Variants in ZNF514 observed in about 807,000 individuals in gnomAD.
The protein encoded by ZNF514 is zinc finger protein 514.
ZNF514 carries 12 observed loss-of-function variants against 9.7 expected under a neutral mutation model. The ratio of observed to expected loss-of-function variants is 1.24; its 90% confidence interval spans 0.79 to 2.01. The LOEUF (loss-of-function observed/expected upper bound fraction) is 2.01. Ranked by LOEUF, ZNF514 falls within the 30% of genes most tolerant of loss-of-function variation. The pLI, the probability that ZNF514 is intolerant of heterozygous loss-of-function variation, is 0.00. For synonymous variants in ZNF514, 158 were observed against 163.7 expected (o/e 0.97, Z 0.27); for missense variants, 467 against 465.5 (o/e 1.00, Z -0.03).
At chr2:95,131,929 G>T in the ZNF514 span, among the ~76,000 whole-genome samples, 1 of 151,922 alleles carries the variant, frequency 6.6e-6, no homozygotes, top group Admixed American at 6.6e-5. Context: ...GATCGCTTAC[G>T]GTCAGGAGTT....
chr2:95,149,736 T>G lies in ZNF514; in HGVS notation c.749A>C (p.His250Pro), dbSNP rs1167339863. 2 of 1,614,250 alleles carry G rather than the reference T, an allele frequency of 1.2e-6. No individual in the cohort carries two copies. Among genetic ancestry groups the G allele is most frequent in the Non-Finnish European group, 1.7e-6 (2 of 1,180,038 alleles). ...AFGHISSLIK[H>P]QRTHTGEKPY... ...CTTTTCTCCAGTATGAGTTCTTTGA[T>G]GTTTAATAAGGGATGAAATATGACC... Residue 250 changes from histidine to proline, a missense_variant, in exon 5 of 5, where the codon CAT (histidine) becomes CCT (proline). His to Pro is a moderately conservative substitution (Grantham distance 77). Coordinates refer to ENST00000295208, the MANE Select transcript of ZNF514 (RefSeq NM_032788.3).
At chr2:95,141,694 G>A (rs1448072714), downstream of ZNF514, among the ~76,000 whole-genome samples, 1 of 152,140 alleles carries the variant, frequency 6.6e-6, no homozygotes, top group African/African-American at 2.4e-5. Context: ...CTTATTGTGA[G>A]GGACATTATC....
At chr2:95,137,383 G>C in the ZNF514 span, among the ~76,000 whole-genome samples, 12 of 152,290 alleles carry the variant, frequency 7.9e-5, no homozygotes, top group East Asian at 2.3e-3. Context: ...GTTTTTTCAA[G>C]TGGATATCAG....
At chr2:95,158,471 C>T (rs1238916026) in intron 1 of ZNF514, among the ~76,000 whole-genome samples, 2 of 152,190 alleles carry the variant, frequency 1.3e-5, no homozygotes, top group Non-Finnish European at 2.9e-5. Flanking sequence ...CTGCCCCCAA[C>T]GCTATTGGGG....
the ZNF514 span, among the ~76,000 whole-genome samples, chr2:95,125,069 G>C: frequency 7.4e-5 from 11 of 149,124 alleles, no homozygotes; most frequent in African/African-American, 2.7e-4. Flanking sequence ...TGTAGAGACA[G>C]CATTTCACCA....
chr2:95,151,470 C>T lies in ZNF514; in HGVS notation c.218-1203G>A, dbSNP rs149895554. Among the ~76,000 whole-genome samples, 5 of 152,262 alleles carry T rather than the reference C, an allele frequency of 3.3e-5. 1 individual carries two copies. In the East Asian group the frequency reaches 9.6e-4, roughly 29 times the overall value. On this transcript the variant is annotated intron_variant, in intron 4 of 4. Transcript: ENST00000295208. ...AAATGAAAAGAAAAAAGGTGCCCAG[C>T]CACTCCAGAAAGGTGTGCAGCCCTG...
Position 95,157,435 on chromosome 2 carries a change from G to A in ZNF514, c.-91C>T. 1.6e-6 allele frequency: 2 copies of A among 1,289,378 alleles called. No homozygotes were observed. The highest frequency in any genetic ancestry group is 2.5e-5 in the South Asian group (2 of 81,020). 79.9% of individuals were successfully genotyped at this position (1,289,378 alleles called of 1,614,324 possible). On this transcript the variant is annotated 5_prime_UTR_variant, in exon 2 of 5. Transcript: ENST00000295208. ...GAGGAAGAGCAGGATTCTGAGAAGG[G>A]GAAGCTGGGAAGGTAGAAGGAGACA...
intron 2 of ZNF514, chr2:95,155,455 A>G (rs1200621384): frequency 6.6e-6 from 1 of 152,254 alleles, no homozygotes; most frequent in African/African-American, 2.4e-5. Flanking sequence ...TACCATGGCC[A>G]TCCTGTCCCC....
chr2:95,140,287 A>C (rs1676806587), downstream of ZNF514, among the ~76,000 whole-genome samples: 1 of 152,166 alleles, frequency 6.6e-6, no homozygotes, highest in Non-Finnish European at 1.5e-5. Context: ...TATAATAATA[A>C]TAAAACTCCA....
Position 95,150,129 on chromosome 2 carries a change from C to A in ZNF514, c.356G>T (p.Cys119Phe), listed in dbSNP as rs1403396213. 1.2e-6 allele frequency: 2 copies of A among 1,611,616 alleles called. No individual in the cohort carries two copies. The highest frequency in any genetic ancestry group is 2.2e-5 in the East Asian group (1 of 44,882). Residue 119 changes from cysteine to phenylalanine, a missense_variant, in exon 5 of 5, where the codon TGT becomes TTT. Cys to Phe is a radical substitution (Grantham distance 205). Transcript: ENST00000295208. ...CTGCTGCATCTCTAACTGGCCATCA[C>A]AACCGCAGGCTGCTTTCAACTTCGA... is the stretch of plus-strand genomic sequence containing the variant. ...QFSKLKAACG[C>F]DGQLEMQQIK...
At chr2:95,136,956 T>C in the ZNF514 span, among the ~76,000 whole-genome samples, 1 of 151,776 alleles carries the variant, frequency 6.6e-6, no homozygotes, top group African/African-American at 2.4e-5. Flanking sequence ...TTGGGAGGAG[T>C]ATATGACTTT....
chr2:95,126,648 A>G, the ZNF514 span, among the ~76,000 whole-genome samples: 1 of 152,064 alleles, frequency 6.6e-6, no homozygotes, highest in African/African-American at 2.4e-5. Context: ...TAGAATTGCC[A>G]TCTGTATACC....
chr2:95,146,535 G>A lies in ZNF514; in HGVS notation c.*2747C>T, dbSNP rs1423935724. On this transcript the variant is annotated 3_prime_UTR_variant, in exon 5 of 5. Coordinates refer to ENST00000295208, the MANE Select transcript of ZNF514 (RefSeq NM_032788.3). ...AAGGCATGTCTGAGGGATGACAAGAGAGCATTTGTGTGCAATGGAGGCTTC... is the reference window on the plus strand; with the variant it reads ...AAGGCATGTCTGAGGGATGACAAGAAAGCATTTGTGTGCAATGGAGGCTTC... Among the ~76,000 whole-genome samples, 2 of 151,774 alleles carry A rather than the reference G, an allele frequency of 1.3e-5. No homozygotes were observed. The highest frequency in any genetic ancestry group is 4.8e-5 in the African/African-American group (2 of 41,314).
At chr2:95,131,867 G>A in the ZNF514 span, among the ~76,000 whole-genome samples, 1 of 152,086 alleles carries the variant, frequency 6.6e-6, no homozygotes, top group Admixed American at 6.6e-5. Context: ...AATGGGCCAG[G>A]TGCCGTGGCT....
the ZNF514 span, among the ~76,000 whole-genome samples, chr2:95,128,869 CTTAT>C: frequency 4.2e-4 from 64 of 152,304 alleles, no homozygotes; most frequent in Non-Finnish European, 7.8e-4. Flanking sequence ...CATCTCACAA[CTTAT>C]TTCTCACAAC....
At chr2:95,129,048 G>A in the ZNF514 span, among the ~76,000 whole-genome samples, 1 of 152,212 alleles carries the variant, frequency 6.6e-6, no homozygotes, top group South Asian at 2.1e-4. Flanking sequence ...GCCACTCTGG[G>A]CCTACACTTC....
chr2:95,135,967 G>A, the ZNF514 span, among the ~76,000 whole-genome samples: 1 of 151,972 alleles, frequency 6.6e-6, no homozygotes, highest in Non-Finnish European at 1.5e-5. Context: ...GGGAGGCTGA[G>A]GCAGGAGAAT....
Position 95,149,772 on chromosome 2 carries a change from CCA to C in ZNF514, c.711_712del (p.Cys237TrpfsTer12). 4 of 1,614,256 alleles carry C rather than the reference CCA, an allele frequency of 2.5e-6. No homozygotes were observed. Among genetic ancestry groups the C allele is most frequent in the East Asian group, 4.5e-5 (2 of 44,890 alleles). ...GGATGAAATATGACCAAAGGCTCTT[CCA>C]CAGTCACTGCATTCATACGGCTTTT... On this transcript the variant is annotated frameshift_variant, in exon 5 of 5. Coordinates refer to ENST00000295208, the MANE Select transcript of ZNF514 (RefSeq NM_032788.3). LOFTEE classifies it low-confidence loss of function (END_TRUNC).
rs1438745571 is a variant in ZNF514 at position 95,159,727 on chromosome 2, GCCCCCGCGTCCGCCCCGCGCCA to G, written c.-605_-584del. ...CAGCCCCCGCGTCCGCCCCGCGCCA[GCCCCCGCGTCCGCCCCGCGCCA>G]GCCCCGCCTCCCGAGGCCGTCCCGA... On this transcript the variant is annotated 5_prime_UTR_variant, in exon 1 of 5. Transcript: ENST00000295208. 7.2e-6 allele frequency: 1 copy of G among 139,344 alleles called. No individual in the cohort carries two copies. Among genetic ancestry groups the G allele is most frequent in the African/African-American group, 2.6e-5 (1 of 39,034 alleles). The allele number at this position is 139,344 out of a possible 1,614,324, so 8.6% of individuals were successfully genotyped here.
Sources: gnomAD v4.1 joint callset for allele counts (sites outside exome capture counted in the v4.1 genomes callset) on GRCh38, gnomAD v4.1.1 for gene constraint, MANE v1.5 for transcripts, NCBI Gene and HGNC (gene_info 2026-07-23, HGNC 2026-07-21) for gene names.